The following CSMD1 variants were observed in gnomAD, a reference collection of about 807,000 sequenced individuals.
The protein encoded by CSMD1 is CUB and sushi domain-containing protein 1.
A neutral mutation model predicts 417.5 loss-of-function variants in CSMD1; 213 were observed. The ratio of observed to expected loss-of-function variants is 0.51; its 90% CI spans 0.46 to 0.57. The LOEUF (loss-of-function observed/expected upper bound fraction) is 0.57, where lower values mean the gene tolerates loss of function less well. Among genes scored for constraint, CSMD1 ranks in the 20% least tolerant of loss-of-function variants. The pLI is 0.00. For synonymous variants in CSMD1, 2,862 were observed against 1,736.8 expected (o/e 1.65, Z -16.11); for missense variants, 6,923 against 4,529.7 (o/e 1.53, Z -15.17).
intron 3 of CSMD1, among the ~76,000 whole-genome samples, chr8:4,316,738 ATAAG>A (rs1232683396): frequency 1.3e-5 from 2 of 152,148 alleles, no homozygotes; most frequent in Non-Finnish European, 1.5e-5. Context: ...CGATAGTTAA[ATAAG>A]AAAGTGGTCG....
intron 10 of CSMD1, among the ~76,000 whole-genome samples, chr8:3,540,071 C>G (rs917132314): frequency 2.0e-5 from 3 of 152,140 alleles, no homozygotes; most frequent in Non-Finnish European, 2.9e-5. Context: ...CTGATTGGCT[C>G]ATAAATAGGC....
At chr8:3,884,962 C>A (rs1806457998) in intron 5 of CSMD1, among the ~76,000 whole-genome samples, 1 of 149,424 alleles carries the variant, frequency 6.7e-6, no homozygotes, top group African/African-American at 2.5e-5. Context: ...CACACACATT[C>A]AGAAGGCATC....
At chr8:4,902,565 G>A (rs558568573) in intron 1 of CSMD1, among the ~76,000 whole-genome samples, 1 of 152,108 alleles carries the variant, frequency 6.6e-6, no homozygotes, top group Non-Finnish European at 1.5e-5. Flanking sequence ...TTTCTTCTTA[G>A]AATTAGAAAA....
intron 8 of CSMD1, among the ~76,000 whole-genome samples, chr8:3,602,498 C>G (rs1357793286): frequency 6.6e-6 from 1 of 152,072 alleles, no homozygotes; most frequent in Non-Finnish European, 1.5e-5. Flanking sequence ...AATATTGATC[C>G]TAAACTCTTT....
At chr8:3,425,063 T>A (rs1007120194) in intron 12 of CSMD1, among the ~76,000 whole-genome samples, 1 of 152,130 alleles carries the variant, frequency 6.6e-6, no homozygotes, top group Admixed American at 6.6e-5. Context: ...TGGTTCCAAG[T>A]CCCTGGGCTC....
chr8:3,284,473 G>C (rs973766172), intron 25 of CSMD1, 127 bp from the exon 26 acceptor site: 43 of 678,134 alleles, frequency 6.3e-5, no homozygotes, highest in Non-Finnish European at 9.5e-5. Context: ...GGTACTTACT[G>C]TCTGACAATG....
chr8:4,492,519 ATT>A (rs1801757698), intron 2 of CSMD1, among the ~76,000 whole-genome samples: 3 of 152,182 alleles, frequency 2.0e-5, no homozygotes, highest in Admixed American at 6.5e-5. Flanking sequence ...ACATCTGATC[ATT>A]ATAATATTTC....
chr8:3,541,219 G>A (rs1031101247), intron 10 of CSMD1, among the ~76,000 whole-genome samples: 8 of 152,174 alleles, frequency 5.3e-5, no homozygotes, highest in Admixed American at 2.6e-4. Context: ...ATGAGATCAC[G>A]TGCTTTGCAG....
intron 2 of CSMD1, among the ~76,000 whole-genome samples, chr8:4,514,778 T>G (rs568313075): frequency 1.4e-4 from 21 of 152,278 alleles, no homozygotes; most frequent in African/African-American, 4.8e-4. Flanking sequence ...AGATACACAC[T>G]CTGGTGATTA....
At chr8:4,258,032 G>A (rs1803584933) in intron 3 of CSMD1, among the ~76,000 whole-genome samples, 3 of 151,862 alleles carry the variant, frequency 2.0e-5, no homozygotes, top group African/African-American at 7.3e-5. Context: ...TCTCACAGCT[G>A]TGGAAGGGGG....
chr8:2,937,186 T>C lies in CSMD1; in HGVS notation c.*1399A>G, dbSNP rs534880771. The C allele has an allele frequency of 1.3e-5, 2 of 152,268 alleles. No homozygotes were observed. Among genetic ancestry groups the C allele is most frequent in the South Asian group, 4.1e-4 (2 of 4,826 alleles). The allele number at this position is 152,268 out of a possible 1,614,324, so 9.4% of individuals were successfully genotyped here. On this transcript the variant is annotated 3_prime_UTR_variant, in exon 70 of 70. Transcript: ENST00000635120. ...ATTTTATTTGCATCATAACTTATCA[T>C]TTACCTATAATGGAATTTAAACTTG...
chr8:3,148,290 C>G (rs1818973553), intron 40 of CSMD1, among the ~76,000 whole-genome samples: 1 of 152,182 alleles, frequency 6.6e-6, no homozygotes, highest in Admixed American at 6.5e-5. Context: ...GCTTAAACCC[C>G]AAACTTACTT....
At chr8:3,586,332 T>G (rs1266624427) in intron 8 of CSMD1, 72 bp from the exon 9 acceptor site, 2 of 1,102,588 alleles carry the variant, frequency 1.8e-6, no homozygotes, top group Admixed American at 5.6e-5. Flanking sequence ...AAAAAAAAAA[T>G]CAGCAAAATG....
intron 3 of CSMD1, among the ~76,000 whole-genome samples, chr8:4,306,780 G>A (rs1404595740): frequency 6.6e-5 from 10 of 151,954 alleles, no homozygotes; most frequent in Admixed American, 5.2e-4. Flanking sequence ...CCACAGATCA[G>A]CCCTTCTTTC....
intron 18 of CSMD1, among the ~76,000 whole-genome samples, chr8:3,383,949 T>G (rs1011921532): frequency 6.6e-6 from 1 of 152,034 alleles, no homozygotes; most frequent in African/African-American, 2.4e-5. Flanking sequence ...AGACTTAAGG[T>G]TGCAGGAAAG....
intron 1 of CSMD1, among the ~76,000 whole-genome samples, chr8:4,884,460 T>A (rs1298175910): frequency 6.6e-6 from 1 of 152,072 alleles, no homozygotes; most frequent in Non-Finnish European, 1.5e-5. Flanking sequence ...GCTTTCTACA[T>A]GCCTGTAGAG....
At chr8:3,024,498 G>A (rs919857004) in intron 51 of CSMD1, among the ~76,000 whole-genome samples, 5 of 152,024 alleles carry the variant, frequency 3.3e-5, no homozygotes, top group Non-Finnish European at 7.4e-5. Context: ...GTAGAGACAG[G>A]GTTTCACCAT....
chr8:3,561,345 A>G (rs988907300), intron 10 of CSMD1, among the ~76,000 whole-genome samples: 2 of 152,210 alleles, frequency 1.3e-5, no homozygotes, highest in African/African-American at 2.4e-5. Context: ...TCTGTTCATT[A>G]TACACTATTC....
chr8:4,863,033 C>G (rs1802227874), intron 1 of CSMD1, among the ~76,000 whole-genome samples: 1 of 152,040 alleles, frequency 6.6e-6, no homozygotes. Context: ...GACAGCGACC[C>G]TTGGGCTTGA....
Sources: allele counts gnomAD v4.1 joint callset (sites outside exome capture counted in the v4.1 genomes callset), GRCh38; gene constraint gnomAD v4.1.1; transcripts MANE v1.5; gene names NCBI Gene and HGNC (gene_info 2026-07-23, HGNC 2026-07-21).